PDE12: variants seen among roughly 807,000 people sequenced by gnomAD.
PDE12 encodes phosphodiesterase 12.
PDE12 carries 26 observed loss-of-function variants against 45.4 expected under a neutral mutation model. The ratio of observed to expected loss-of-function variants is 0.57; its 90% CI spans 0.42 to 0.79. PDE12 has a LOEUF of 0.79. PDE12 is among the 30% of genes least tolerant of loss of function. PDE12 has a pLI of 0.00. For synonymous variants in PDE12, 283 were observed against 323.9 expected (o/e 0.87, Z 1.36); for missense variants, 668 against 790.0 (o/e 0.85, Z 1.85).
chr3:57,636,530 T>C, the PDE12 span, among the ~76,000 whole-genome samples: 2 of 152,030 alleles, frequency 1.3e-5, no homozygotes, highest in Admixed American at 6.6e-5. Flanking sequence ...GGTGCTGGGA[T>C]AGAATTATGA....
the PDE12 span, among the ~76,000 whole-genome samples, chr3:57,619,075 T>C: frequency 6.6e-6 from 1 of 152,052 alleles, no homozygotes; most frequent in African/African-American, 2.4e-5. Context: ...GCAGGCCGGG[T>C]GCAGTGGCTC....
At chr3:57,641,112 A>G in the PDE12 span, among the ~76,000 whole-genome samples, 5 of 148,922 alleles carry the variant, frequency 3.4e-5, no homozygotes, top group African/African-American at 1.2e-4. Context: ...GTTCTGTTTT[A>G]TTGGGCTTCT....
chr3:57,586,570 G>A, the PDE12 span, among the ~76,000 whole-genome samples: 3 of 152,072 alleles, frequency 2.0e-5, no homozygotes, highest in Admixed American at 6.6e-5. Context: ...TCCCCACTTC[G>A]TACTCGGATA....
chr3:57,582,947 C>A, the PDE12 span, among the ~76,000 whole-genome samples: 3 of 152,084 alleles, frequency 2.0e-5, no homozygotes, highest in Admixed American at 6.5e-5. Context: ...CAATTTTGCC[C>A]CCAGGGGATA....
At chr3:57,592,435 C>A in the PDE12 span, among the ~76,000 whole-genome samples, 1 of 152,212 alleles carries the variant, frequency 6.6e-6, no homozygotes, top group Middle Eastern at 3.4e-3. Flanking sequence ...TTGCAGTGAC[C>A]TGAGATTGCA....
the PDE12 span, among the ~76,000 whole-genome samples, chr3:57,616,001 T>C: frequency 1.3e-5 from 2 of 152,084 alleles, no homozygotes; most frequent in Non-Finnish European, 2.9e-5. Flanking sequence ...ATGGACAAAT[T>C]TCTTGAAAGA....
At chr3:57,573,973 G>A in the PDE12 span, among the ~76,000 whole-genome samples, 2 of 146,234 alleles carry the variant, frequency 1.4e-5, no homozygotes, top group African/African-American at 5.0e-5. Flanking sequence ...ACGGAGTCTC[G>A]CTCTGTCACC....
At chr3:57,632,442 C>T in the PDE12 span, among the ~76,000 whole-genome samples, 1 of 152,030 alleles carries the variant, frequency 6.6e-6, no homozygotes, top group African/African-American at 2.4e-5. Flanking sequence ...ACCTTCGCCT[C>T]CCAAAGTGGC....
At chr3:57,645,959 G>C in the PDE12 span, among the ~76,000 whole-genome samples, 14 of 152,288 alleles carry the variant, frequency 9.2e-5, 1 homozygote, top group African/African-American at 3.4e-4. Context: ...TGGGTTTGGG[G>C]CAGAAGATGC....
the PDE12 span, among the ~76,000 whole-genome samples, chr3:57,620,648 T>A: frequency 2.0e-5 from 3 of 152,238 alleles, no homozygotes; most frequent in African/African-American, 7.2e-5. Context: ...AAGATCAATA[T>A]ATAAAAACTA....
At chr3:57,638,257 A>C in the PDE12 span, among the ~76,000 whole-genome samples, 1 of 151,958 alleles carries the variant, frequency 6.6e-6, no homozygotes, top group Non-Finnish European at 1.5e-5. Context: ...ACTATTCAGA[A>C]TATATAAAGA....
chr3:57,556,992 G>T lies in PDE12; in HGVS notation c.613G>T (p.Ala205Ser), dbSNP rs1575770940. Residue 205 changes from alanine to serine, a missense_variant, in exon 1 of 3, where the codon GCG becomes TCG. This residue lies in a region of PDE12 where 580 missense variants were observed against 662.9 expected (regional missense o/e 0.87). Coordinates refer to ENST00000311180, the MANE Select transcript of PDE12 (RefSeq NM_177966.7). This position sits in a 1 kb window ranked among gnomAD's most constrained non-coding sequence, Gnocchi z 5.0. ...CTGGTATAAGGAAGCCAAGCCCGGA[G>T]CGGCGGAGCCCGAGGTCGGTGTCCC... ...FRWYKEAKPG[A>S]AEPEVGVPSS... 1.2e-6 allele frequency: 2 copies of T among 1,614,168 alleles called. No individual in the cohort carries two copies. The highest frequency in any genetic ancestry group is 1.7e-6 in the Non-Finnish European group (2 of 1,180,026).
At chr3:57,570,219 G>GGTTTT (rs779622991), downstream of PDE12, among the ~76,000 whole-genome samples, 1 of 102,314 alleles carries the variant, frequency 9.8e-6, no homozygotes, top group Non-Finnish European at 1.8e-5. Context: ...TTAATCCAGT[G>GGTTTT]TTTTTTTTTT....
chr3:57,614,854 G>A, the PDE12 span, among the ~76,000 whole-genome samples: 1 of 151,612 alleles, frequency 6.6e-6, no homozygotes, highest in African/African-American at 2.4e-5. Flanking sequence ...TTAGTCGGGC[G>A]TGGTGGCAGG....
At chr3:57,597,581 C>A in the PDE12 span, 1 of 159,532 alleles carries the variant, frequency 6.3e-6, no homozygotes, top group South Asian at 1.5e-4. Flanking sequence ...GCCCCAGGAG[C>A]CGGGAGAGGC....
the PDE12 span, among the ~76,000 whole-genome samples, chr3:57,604,842 G>A: frequency 6.6e-6 from 1 of 151,842 alleles, no homozygotes; most frequent in Middle Eastern, 3.4e-3. Context: ...TGAACCCCTG[G>A]CTTCAAGCAA....
At chr3:57,609,851 A>G in the PDE12 span, among the ~76,000 whole-genome samples, 58,648 of 152,070 alleles carry the variant, frequency 0.39, 12,656 homozygotes, top group South Asian at 0.56. Flanking sequence ...TCCAATCAAC[A>G]GAAAAAGAGG....
In PDE12 at chr3:57,563,227, A is replaced by T. The variant is rs932845307; in HGVS notation, c.*3223A>T. On this transcript the variant is annotated 3_prime_UTR_variant, in exon 3 of 3. Coordinates refer to ENST00000311180, the MANE Select transcript of PDE12 (RefSeq NM_177966.7). ...CTCACTGTTACCCAGGCTGGAGTGCAGTGGTGCAGTCATAACTTACTACAG... is the reference window on the plus strand; with the variant it reads ...CTCACTGTTACCCAGGCTGGAGTGCTGTGGTGCAGTCATAACTTACTACAG... 4.5e-4 allele frequency: 68 copies of T among 152,336 alleles called. No individual in the cohort carries two copies. The highest frequency in any genetic ancestry group is 1.6e-3 in the African/African-American group (66 of 41,576). The allele number at this position is 152,336 out of a possible 1,614,324, so 9.4% of individuals were successfully genotyped here.
the PDE12 span, among the ~76,000 whole-genome samples, chr3:57,590,132 T>TAAATAAATAAATAAAA: frequency 1.6e-4 from 22 of 136,320 alleles, no homozygotes; most frequent in Admixed American, 4.5e-4. Context: ...AATAAATAAA[T>TAAATAAATAAATAAAA]AAAACAAAAA....
Sources: allele counts gnomAD v4.1 joint callset (sites outside exome capture counted in the v4.1 genomes callset), GRCh38; gene constraint gnomAD v4.1.1; regional missense constraint gnomAD v4.1.1; non-coding constraint Gnocchi (gnomAD v3.1); transcripts MANE v1.5; gene names NCBI Gene and HGNC (gene_info 2026-07-23, HGNC 2026-07-21).